SSBP2: variants seen among roughly 807,000 people sequenced by gnomAD.
The protein encoded by SSBP2 is single stranded DNA binding protein 2, also known as single-stranded DNA-binding protein 2.
SSBP2 carries 17 observed loss-of-function variants against 61.8 expected under a neutral mutation model. The ratio of observed to expected loss-of-function variants is 0.28; its 90% confidence interval spans 0.19 to 0.41. The LOEUF (loss-of-function observed/expected upper bound fraction) is 0.41. Among genes scored for constraint, SSBP2 ranks in the 10% least tolerant of loss-of-function variants. The pLI, the probability that SSBP2 is intolerant of heterozygous loss-of-function variation, is 1.00. For missense variants in SSBP2, 310 were observed against 458.7 expected (o/e 0.68, Z 2.96); for synonymous variants, 139 against 141.3 (o/e 0.98, Z 0.12).
In SSBP2 at chr5:81,438,526, AG is replaced by A. The variant is rs368766439; in HGVS notation, c.929-1069del. Among the ~76,000 whole-genome samples, 788 of 152,280 alleles carry A rather than the reference AG, an allele frequency of 5.2e-3. 2 individuals carry two copies. Among genetic ancestry groups the A allele is most frequent in the African/African-American group, 0.018 (731 of 41,566 alleles). On this transcript the variant is annotated intron_variant, in intron 14 of 16. Transcript: ENST00000320672. The stretch of plus-strand genomic sequence containing the variant: ...TTCAGTCAACATTACAAATAAAGCT[AG>A]GGCTTATTAATATAAGTTGTAAATA...
intron 4 of SSBP2, among the ~76,000 whole-genome samples, chr5:81,580,247 A>C (rs1774542364): frequency 6.6e-6 from 1 of 152,094 alleles, no homozygotes; most frequent in Non-Finnish European, 1.5e-5. Flanking sequence ...ACTGTTCAAA[A>C]AACTTTCAGA....
chr5:81,528,527 G>A (rs1342790231), intron 4 of SSBP2, among the ~76,000 whole-genome samples: 2 of 151,900 alleles, frequency 1.3e-5, no homozygotes, highest in Admixed American at 6.6e-5. Flanking sequence ...CATTTCATCC[G>A]AATAGTAATT....
chr5:81,622,106 T>TA (rs35548135), intron 3 of SSBP2, among the ~76,000 whole-genome samples: 72 of 109,728 alleles, frequency 6.6e-4, no homozygotes, highest in Middle Eastern at 5.1e-3. Flanking sequence ...TAGAGTATAA[T>TA]AAAAAAAAAA....
intron 3 of SSBP2, chr5:81,616,126 G>A (rs529777508): frequency 1.9e-5 from 3 of 154,124 alleles, no homozygotes; most frequent in Non-Finnish European, 2.9e-5. Context: ...GAACAGCTCC[G>A]GTCTACACCT....
At chr5:81,473,804 G>A in intron 7 of SSBP2, 34 bp from the exon 8 acceptor site, 2 of 1,589,086 alleles carry the variant, frequency 1.3e-6, no homozygotes, top group Non-Finnish European at 1.7e-6. Flanking sequence ...GCAAAGTAAT[G>A]AGCATGAGTA....
At chr5:81,737,359 C>T (rs1476571854) in intron 1 of SSBP2, among the ~76,000 whole-genome samples, 2 of 151,768 alleles carry the variant, frequency 1.3e-5, no homozygotes, top group Non-Finnish European at 2.9e-5. Flanking sequence ...CTTCCTTTCT[C>T]CAGTGAAGGC....
chr5:81,670,586 T>C (rs983069657), intron 1 of SSBP2, among the ~76,000 whole-genome samples: 4 of 152,180 alleles, frequency 2.6e-5, no homozygotes, highest in African/African-American at 7.2e-5. Context: ...AAATTTTATA[T>C]CCCGTGAAAA....
chr5:81,441,313 G>A (rs1763017937), intron 13 of SSBP2, among the ~76,000 whole-genome samples: 1 of 152,186 alleles, frequency 6.6e-6, no homozygotes, highest in South Asian at 2.1e-4. Context: ...TTCAAAACAG[G>A]TGTGCTATGA....
chr5:81,468,734 T>C (rs974730000), intron 8 of SSBP2, among the ~76,000 whole-genome samples: 11 of 152,010 alleles, frequency 7.2e-5, no homozygotes, highest in Non-Finnish European at 1.6e-4. Context: ...TAAGCTACAG[T>C]TGATAAATGA....
intron 12 of SSBP2, among the ~76,000 whole-genome samples, chr5:81,445,176 A>ATATATATC (rs1188731137): frequency 6.3e-5 from 5 of 79,584 alleles, no homozygotes; most frequent in African/African-American, 2.9e-4. Context: ...ATATATATAT[A>ATATATATC]TGTATGTATT....
At chr5:81,696,976 C>A (rs150948675) in intron 1 of SSBP2, among the ~76,000 whole-genome samples, 163 of 152,272 alleles carry the variant, frequency 1.1e-3, no homozygotes, top group African/African-American at 3.7e-3. Flanking sequence ...CTCCAAGAAT[C>A]CCCATCCATG....
chr5:81,538,988 CTTA>C (rs1346695842), intron 4 of SSBP2, among the ~76,000 whole-genome samples: 14 of 152,282 alleles, frequency 9.2e-5, no homozygotes, highest in Admixed American at 2.6e-4. Context: ...ACTTTCAAGA[CTTA>C]TTATTTAAGA....
intron 1 of SSBP2, among the ~76,000 whole-genome samples, chr5:81,675,856 T>C (rs1751934280): frequency 6.6e-6 from 1 of 152,208 alleles, no homozygotes; most frequent in Non-Finnish European, 1.5e-5. Flanking sequence ...TTGTTCTTCC[T>C]ACATGCTTTT....
At chr5:81,594,747 G>T (rs1312887515) in intron 4 of SSBP2, among the ~76,000 whole-genome samples, 1 of 152,042 alleles carries the variant, frequency 6.6e-6, no homozygotes, top group Non-Finnish European at 1.5e-5. Flanking sequence ...TGACTACTGG[G>T]TACATAATGA....
chr5:81,723,900 A>G (rs930764534), intron 1 of SSBP2, among the ~76,000 whole-genome samples: 1 of 151,804 alleles, frequency 6.6e-6, no homozygotes, highest in Non-Finnish European at 1.5e-5. Context: ...TTATCCAACA[A>G]CCTCACTTCT....
chr5:81,591,860 C>A (rs1183341658), intron 4 of SSBP2, among the ~76,000 whole-genome samples: 1 of 152,124 alleles, frequency 6.6e-6, no homozygotes. Context: ...GAGGAGGAGC[C>A]AAGATGGCCG....
chr5:81,571,558 T>C (rs1305414342), intron 4 of SSBP2, among the ~76,000 whole-genome samples: 2 of 152,210 alleles, frequency 1.3e-5, no homozygotes, highest in Non-Finnish European at 2.9e-5. Flanking sequence ...TGCCACTGTT[T>C]AGGCAGGTCT....
intron 4 of SSBP2, among the ~76,000 whole-genome samples, chr5:81,600,578 A>C (rs549779697): frequency 3.5e-4 from 53 of 151,080 alleles, no homozygotes; most frequent in South Asian, 1.5e-3. Flanking sequence ...AAAAAAAAAA[A>C]AACAAAAACC....
At chr5:81,736,090 T>C (rs1425054780) in intron 1 of SSBP2, among the ~76,000 whole-genome samples, 1 of 151,804 alleles carries the variant, frequency 6.6e-6, no homozygotes, top group Non-Finnish European at 1.5e-5. Context: ...GAATTAGTCA[T>C]TGCTTATTTC....
Sources: gnomAD v4.1 joint callset for allele counts (sites outside exome capture counted in the v4.1 genomes callset) on GRCh38, gnomAD v4.1.1 for gene constraint, MANE v1.5 for transcripts, NCBI Gene and HGNC (gene_info 2026-07-23, HGNC 2026-07-21) for gene names.